DAB1: variants seen among roughly 807,000 people sequenced by gnomAD.
The protein encoded by DAB1 is DAB adaptor protein 1.
A neutral mutation model predicts 64.6 loss-of-function variants in DAB1; 15 were observed. The ratio of observed to expected loss-of-function variants is 0.23; its 90% CI spans 0.16 to 0.36. The LOEUF (loss-of-function observed/expected upper bound fraction) is 0.36, where lower values mean the gene tolerates loss of function less well. DAB1 is among the 10% of genes least tolerant of loss of function. The pLI is 1.00. For missense variants in DAB1, 596 were observed against 706.7 expected (o/e 0.84, Z 1.78); for synonymous variants, 235 against 251.9 (o/e 0.93, Z 0.64).
At chr1:58,529,430 TAC>T (rs1646399426) in intron 1 of DAB1, among the ~76,000 whole-genome samples, 1 of 152,230 alleles carries the variant, frequency 6.6e-6, no homozygotes, top group Non-Finnish European at 1.5e-5. Flanking sequence ...CTTTCAGTAT[TAC>T]AGTGTTTTGG....
At chr1:57,008,078 A>G (rs1311980300) in intron 14 of DAB1, among the ~76,000 whole-genome samples, 1 of 152,288 alleles carries the variant, frequency 6.6e-6, no homozygotes, top group Non-Finnish European at 1.5e-5. Flanking sequence ...CAAAGGGAGA[A>G]AATTACTTCA....
At chr1:57,238,232 T>C (rs1339492591) in intron 2 of DAB1, among the ~76,000 whole-genome samples, 1 of 152,120 alleles carries the variant, frequency 6.6e-6, no homozygotes, top group East Asian at 1.9e-4. Flanking sequence ...GCCTGAGACC[T>C]CCTGAATGAG....
intron 4 of DAB1, among the ~76,000 whole-genome samples, chr1:57,074,688 C>T (rs1400140487): frequency 1.3e-5 from 2 of 152,174 alleles, no homozygotes; most frequent in African/African-American, 4.8e-5. Flanking sequence ...CTTGCCCAGG[C>T]TGCCCACTGG....
intron 4 of DAB1, among the ~76,000 whole-genome samples, chr1:57,072,634 C>T (rs1005117226): frequency 6.6e-6 from 1 of 152,202 alleles, no homozygotes; most frequent in African/African-American, 2.4e-5. Flanking sequence ...TAGGATTGTT[C>T]ATATGCTGAA....
At chr1:57,193,040 C>T (rs1664282749) in intron 2 of DAB1, among the ~76,000 whole-genome samples, 2 of 152,016 alleles carry the variant, frequency 1.3e-5, no homozygotes, top group South Asian at 4.2e-4. Flanking sequence ...TACGTATTAC[C>T]TCTTGTGTTT....
At position 57,910,028 on chromosome 1, in the gene DAB1, G is replaced by A. The variant is rs1644617307; in HGVS notation, n.388-25866C>T. Among the ~76,000 whole-genome samples, 3 of 152,136 alleles carry A rather than the reference G, an allele frequency of 2.0e-5. No homozygotes were observed. The South Asian group carries it at 6.2e-4, about 31-fold the overall frequency. On this transcript the variant is annotated intron_variant and non_coding_transcript_variant, in intron 5 of 20. Transcript: ENST00000485760. The stretch of plus-strand genomic sequence containing the variant: ...GCCTGCTACAGAGTCTCATAAATAG[G>A]ACAGCTGACTTGAGTTCCCATTAAT...
chr1:58,245,719 C>T (rs568687400), intron 4 of DAB1, among the ~76,000 whole-genome samples: 1 of 152,110 alleles, frequency 6.6e-6, no homozygotes, highest in Non-Finnish European at 1.5e-5. Context: ...CAACACCAGT[C>T]ACATCGGGCT....
intron 4 of DAB1, among the ~76,000 whole-genome samples, chr1:57,081,500 C>T (rs1203287780): frequency 1.3e-5 from 2 of 152,154 alleles, no homozygotes; most frequent in African/African-American, 4.8e-5. Flanking sequence ...GAGTTTCAAG[C>T]TTTATGATGT....
At chr1:58,102,755 AG>A (rs1458226130) in intron 5 of DAB1, among the ~76,000 whole-genome samples, 1 of 152,226 alleles carries the variant, frequency 6.6e-6, no homozygotes, top group Non-Finnish European at 1.5e-5. Context: ...TGTACTGAAA[AG>A]CTTGGTAAGT....
intron 2 of DAB1, among the ~76,000 whole-genome samples, chr1:57,205,762 G>A (rs992822440): frequency 6.6e-6 from 1 of 152,176 alleles, no homozygotes. Context: ...TCTCAAAGTT[G>A]AAGTTTTTTT....
chr1:57,243,109 G>T (rs751741308), intron 2 of DAB1, among the ~76,000 whole-genome samples: 1 of 152,284 alleles, frequency 6.6e-6, no homozygotes, highest in Middle Eastern at 3.4e-3. Context: ...GTTTATGTGT[G>T]AGCCACAAAG....
intron 1 of DAB1, among the ~76,000 whole-genome samples, chr1:57,418,566 A>G (rs140515969): frequency 4.5e-4 from 69 of 152,290 alleles, no homozygotes; most frequent in African/African-American, 1.6e-3. Flanking sequence ...ACTTACAACT[A>G]TTTGGGAGGA....
At position 58,524,355 on chromosome 1, in the gene DAB1, A is replaced by T. The variant is rs529312736; in HGVS notation, n.107+2906T>A. 2.0e-5 allele frequency among the ~76,000 whole-genome samples: 3 copies of T among 152,296 alleles called. No individual in the cohort carries two copies. The East Asian group carries it at 5.8e-4, about 29-fold the overall frequency. On this transcript the variant is annotated intron_variant and non_coding_transcript_variant, in intron 2 of 20. Transcript: ENST00000485760. ...CTGTTATCTTGACATTTTTAAGCCA[A>T]ATCTCTAAAACTATCAAACCATCCT...
intron 7 of DAB1, among the ~76,000 whole-genome samples, chr1:57,593,564 T>G (rs891600337): frequency 2.0e-5 from 3 of 152,206 alleles, no homozygotes; most frequent in Non-Finnish European, 1.5e-5. Flanking sequence ...ATGTTAAAAT[T>G]TATCAAATAG....
rs34867472 is a variant in DAB1 at position 57,094,131 on chromosome 1, C to T, written c.307-21717G>A. 1.4e-5 allele frequency among the ~76,000 whole-genome samples: 2 copies of T among 145,588 alleles called. 1 individual carries two copies. The highest frequency in any genetic ancestry group is 3.0e-5 in the Non-Finnish European group (2 of 66,396). On this transcript the variant is annotated intron_variant, in intron 4 of 14. Coordinates refer to ENST00000371236, the MANE Select transcript of DAB1 (RefSeq NM_001365792.1). ...CTCAAAAAAAAAAAAAAAAAGGAAT[C>T]TTGGAGTTGACATCTTCAAAACTTT...
chr1:57,488,936 A>G (rs1644127502), intron 7 of DAB1, among the ~76,000 whole-genome samples: 1 of 152,250 alleles, frequency 6.6e-6, no homozygotes, highest in African/African-American at 2.4e-5. Context: ...CATCTCTTTT[A>G]TTACTCTACT....
chr1:58,069,524 T>C (rs543453436), intron 5 of DAB1, among the ~76,000 whole-genome samples: 4 of 152,276 alleles, frequency 2.6e-5, no homozygotes, highest in East Asian at 3.9e-4. Flanking sequence ...ATTGTCCCTA[T>C]TTTAAAAATA....
intron 1 of DAB1, among the ~76,000 whole-genome samples, chr1:57,364,621 A>C (rs1679820367): frequency 6.6e-6 from 1 of 152,078 alleles, no homozygotes; most frequent in Non-Finnish European, 1.5e-5. Flanking sequence ...TATATTTCAT[A>C]ATAGCAAAAA....
chr1:58,043,455 C>T (rs1455837560), intron 5 of DAB1, among the ~76,000 whole-genome samples: 2 of 152,134 alleles, frequency 1.3e-5, no homozygotes, highest in African/African-American at 2.4e-5. Context: ...ATACATGGAT[C>T]GATACCTTTA....
Sources: allele counts gnomAD v4.1 joint callset (sites outside exome capture counted in the v4.1 genomes callset), GRCh38; gene constraint gnomAD v4.1.1; transcripts MANE v1.5; gene names NCBI Gene and HGNC (gene_info 2026-07-23, HGNC 2026-07-21).